The following EPB41 variants were observed in gnomAD, a reference collection of about 807,000 sequenced individuals.
EPB41 encodes the protein protein 4.1.
A neutral mutation model predicts 108.0 loss-of-function variants in EPB41; 65 were observed. That is an observed-to-expected ratio of 0.60 (90% CI 0.49 to 0.74). The LOEUF (loss-of-function observed/expected upper bound fraction) is 0.74, where lower values mean the gene tolerates loss of function less well. Among genes scored for constraint, EPB41 ranks in the 30% least tolerant of loss-of-function variants. The pLI is 0.00. For missense variants in EPB41, 875 were observed against 1,037.0 expected, an observed-to-expected ratio of 0.84 and a Z score of 2.15; for synonymous variants, 336 against 358.9, an observed-to-expected ratio of 0.94 and a Z score of 0.72.
chr1:29,072,524 A>G (rs2151123366), intron 16 of EPB41: 1 of 152,272 alleles, frequency 6.6e-6, no homozygotes, highest in South Asian at 2.1e-4. Flanking sequence ...CCTGAATTTT[A>G]TTTCTCTTTG....
chr1:29,056,749 C>T (rs1645523523), intron 12 of EPB41, among the ~76,000 whole-genome samples: 1 of 152,116 alleles, frequency 6.6e-6, no homozygotes, highest in Non-Finnish European at 1.5e-5. Context: ...TTGTCTCGAA[C>T]TCCTGATCTC....
rs558780492 is a variant in EPB41, at chr1:29,055,969, G to A, written c.1846-2620G>A. Among the ~76,000 whole-genome samples, 6 of 148,432 alleles carry A rather than the reference G, an allele frequency of 4.0e-5. No individual in the cohort carries two copies. In the South Asian group the frequency reaches 1.3e-3, roughly 32 times the overall value. ...AAAAAAAAAAGGGCCGGGCGCGGTG[G>A]CTCACGCCTGTAATCCCAGCACTTT... On this transcript the variant is annotated intron_variant, in intron 12 of 20. Transcript: ENST00000343067.
intron 11 of EPB41, 111 bp downstream of exon 11, chr1:29,039,537 G>A: frequency 1.4e-6 from 2 of 1,389,378 alleles, no homozygotes; most frequent in Non-Finnish European, 9.9e-7. Flanking sequence ...GTTGGGCCTG[G>A]TGCAGTGGCT....
At chr1:29,064,562 AGTTT>A (rs1263668375) in intron 15 of EPB41, among the ~76,000 whole-genome samples, 2 of 152,182 alleles carry the variant, frequency 1.3e-5, no homozygotes, top group Non-Finnish European at 2.9e-5. Flanking sequence ...TTCATTAAAC[AGTTT>A]GTTTATCTGT....
chr1:29,030,504 C>A lies in EPB41; in HGVS notation c.1212+17C>A. On this transcript the variant is annotated intron_variant, in intron 8 of 20. Transcript: ENST00000343067. Reference sequence around the variant, plus strand: ...AAAGCAAAGGTAATGATAACTTTGCCCTTTATTAATATGCATGTGGAAGAT... The same window carrying A: ...AAAGCAAAGGTAATGATAACTTTGCACTTTATTAATATGCATGTGGAAGAT... The A allele has an allele frequency of 6.3e-7, 1 of 1,581,838 alleles. No homozygotes were observed. Among genetic ancestry groups the A allele is most frequent in the Non-Finnish European group, 8.7e-7 (1 of 1,150,802 alleles).
intron 1 of EPB41, among the ~76,000 whole-genome samples, chr1:28,953,378 C>T (rs2149003136): frequency 6.6e-6 from 1 of 151,964 alleles, no homozygotes; most frequent in South Asian, 2.1e-4. Flanking sequence ...GAAGGAAAAC[C>T]ATGCGGGCCT....
rs1160461798 is a variant in EPB41 at position 29,112,399 on chromosome 1, T to C, written c.2447T>C (p.Ile816Thr). ...TVKGGISETR[I>T]EKRIVITGDA... is the part of the protein sequence containing the mutation. ...AAAGGTGGGATTTCAGAGACACGTA[T>C]TGAAAAGAGAATTGTGATCACAGGA... Residue 816 changes from isoleucine to threonine, a missense_variant, in exon 19 of 21, where the codon ATT becomes ACT. Coordinates refer to ENST00000343067, the MANE Select transcript of EPB41 (RefSeq NM_001376013.1). 12 of 1,613,884 alleles carry C rather than the reference T, an allele frequency of 7.4e-6. No homozygotes were observed. The East Asian group carries it at 1.8e-4, about 24-fold the overall frequency.
chr1:28,943,919 T>G lies in EPB41; in HGVS notation c.-8+29151T>G, dbSNP rs533544823. Among the ~76,000 whole-genome samples the G allele has an allele frequency of 1.6e-4, 25 of 152,346 alleles. 1 individual carries two copies. The South Asian group carries it at 5.2e-3, about 32-fold the overall frequency. ...AAAGAGGTATCTGCACTCCAATGTTTGTTGCAGCACTGTTTACAATAGCTA... is the reference window on the plus strand; with the variant it reads ...AAAGAGGTATCTGCACTCCAATGTTGGTTGCAGCACTGTTTACAATAGCTA... On this transcript the variant is annotated intron_variant, in intron 1 of 20. Transcript: ENST00000343067.
intron 4 of EPB41, among the ~76,000 whole-genome samples, chr1:29,007,717 G>C (rs1201483497): frequency 6.6e-6 from 1 of 152,062 alleles, no homozygotes; most frequent in African/African-American, 2.4e-5. Context: ...TGTGATACCA[G>C]CCTTTCCTGT....
intron 6 of EPB41, 53 bp downstream of exon 6, chr1:29,015,820 G>A: frequency 1.7e-6 from 2 of 1,187,084 alleles, no homozygotes; most frequent in Non-Finnish European, 1.2e-6. Flanking sequence ...TGTGTATGAT[G>A]AGACAGTAAT....
chr1:29,036,677 T>G (rs1213480546), intron 10 of EPB41, among the ~76,000 whole-genome samples: 6 of 107,848 alleles, frequency 5.6e-5, no homozygotes, highest in African/African-American at 2.9e-4. Context: ...GTGAAGCTGA[T>G]TTTTTTTTTT....
chr1:28,917,792 G>A (rs1348907273), intron 1 of EPB41, among the ~76,000 whole-genome samples: 1 of 151,134 alleles, frequency 6.6e-6, no homozygotes, highest in Admixed American at 6.6e-5. Flanking sequence ...TGTTTCCCAG[G>A]CTGGTCTCAA....
intron 1 of EPB41, among the ~76,000 whole-genome samples, chr1:28,929,924 C>T (rs1013218530): frequency 7.1e-6 from 1 of 140,142 alleles, no homozygotes; most frequent in Non-Finnish European, 1.5e-5. Flanking sequence ...TTAAAGTATA[C>T]GATTTAATGT....
chr1:28,982,441 A>G (rs1362198118), intron 1 of EPB41: 7 of 759,450 alleles, frequency 9.2e-6, no homozygotes, highest in African/African-American at 1.7e-5. Flanking sequence ...CTTCTTGCCC[A>G]TGGCAGCTGT....
At position 29,018,223 on chromosome 1, in the gene EPB41, G is replaced by A. The variant is rs2150060946; in HGVS notation, c.906-1G>A. 1 of 1,613,464 alleles carries A rather than the reference G, an allele frequency of 6.2e-7. No homozygotes were observed. Among genetic ancestry groups the A allele is most frequent in the Non-Finnish European group, 8.5e-7 (1 of 1,179,894 alleles). On this transcript the variant is annotated splice_acceptor_variant, in intron 6 of 20. Coordinates refer to ENST00000343067, the MANE Select transcript of EPB41 (RefSeq NM_001376013.1). LOFTEE classifies it high-confidence loss of function. This position sits in a 1 kb window ranked among gnomAD's most constrained non-coding sequence, Gnocchi z 4.4. ...ATAACATTTTTCTCTTTTGGCTGTAGATATTATTTATGTCTTCAGCTTCGG... is the reference window on the plus strand; with the variant it reads ...ATAACATTTTTCTCTTTTGGCTGTAAATATTATTTATGTCTTCAGCTTCGG...
chr1:29,086,194 G>A (rs1658827492), intron 16 of EPB41, among the ~76,000 whole-genome samples: 1 of 151,262 alleles, frequency 6.6e-6, no homozygotes, highest in South Asian at 2.1e-4. Context: ...TTAGGAAATA[G>A]AGAAAAACCA....
At chr1:29,021,140 TA>T (rs2150105814) in intron 7 of EPB41, among the ~76,000 whole-genome samples, 1 of 152,354 alleles carries the variant, frequency 6.6e-6, no homozygotes, top group African/African-American at 2.4e-5. Context: ...GTTTAATCTT[TA>T]TAACCACCCT....
chr1:29,025,788 GA>G (rs2096710935), intron 7 of EPB41, among the ~76,000 whole-genome samples: 1 of 151,824 alleles, frequency 6.6e-6, no homozygotes, highest in African/African-American at 2.4e-5. Flanking sequence ...CATCCATGCA[GA>G]GGGGCAGTCT....
intron 16 of EPB41, among the ~76,000 whole-genome samples, chr1:29,077,052 T>G (rs1265178363): frequency 6.6e-6 from 1 of 152,228 alleles, no homozygotes; most frequent in Non-Finnish European, 1.5e-5. Context: ...ATAAATAACT[T>G]TTCACATAGA....
Sources: allele counts gnomAD v4.1 joint callset (sites outside exome capture counted in the v4.1 genomes callset), GRCh38; gene constraint gnomAD v4.1.1; non-coding constraint Gnocchi (gnomAD v3.1); transcripts MANE v1.5; gene names NCBI Gene and HGNC (gene_info 2026-07-23, HGNC 2026-07-21).